Variants in CTNND2 observed in about 807,000 individuals in gnomAD.
CTNND2 encodes the protein catenin delta-2.
In CTNND2, 22 loss-of-function variants were observed where a neutral mutation model predicts 144.4. That is an observed-to-expected ratio of 0.15 (90% CI 0.11 to 0.22). CTNND2 has a LOEUF of 0.22. Ranked by LOEUF, CTNND2 falls within the 10% of genes least tolerant of loss-of-function variation. The pLI, the probability that CTNND2 is intolerant of heterozygous loss-of-function variation, is 1.00. For missense variants in CTNND2, 1,353 were observed against 1,618.8 expected, an observed-to-expected ratio of 0.84 and a Z score of 2.82; for synonymous variants, 751 against 695.6, an observed-to-expected ratio of 1.08 and a Z score of -1.25.
chr5:11,810,594 A>G (rs1247390851), intron 1 of CTNND2, among the ~76,000 whole-genome samples: 1 of 152,222 alleles, frequency 6.6e-6, no homozygotes, highest in Non-Finnish European at 1.5e-5. Flanking sequence ...ATTTGCAATT[A>G]TATCAATTGT....
chr5:11,549,578 C>T (rs1440171712), intron 3 of CTNND2, among the ~76,000 whole-genome samples: 1 of 152,120 alleles, frequency 6.6e-6, no homozygotes, highest in Non-Finnish European at 1.5e-5. Flanking sequence ...TCAAACAATT[C>T]CAGTGTTTGG....
intron 2 of CTNND2, among the ~76,000 whole-genome samples, chr5:11,695,941 T>G (rs1296181337): frequency 6.6e-6 from 1 of 152,232 alleles, no homozygotes; most frequent in Non-Finnish European, 1.5e-5. Flanking sequence ...AAACAGTAGT[T>G]CACACTGCCT....
At chr5:11,127,689 T>C (rs1264128677) in intron 12 of CTNND2, among the ~76,000 whole-genome samples, 2 of 152,166 alleles carry the variant, frequency 1.3e-5, no homozygotes, top group African/African-American at 4.8e-5. Flanking sequence ...TGTCGTCCCA[T>C]CACTGCATGT....
intron 2 of CTNND2, among the ~76,000 whole-genome samples, chr5:11,662,670 C>T (rs992574570): frequency 6.6e-6 from 1 of 152,128 alleles, no homozygotes; most frequent in East Asian, 1.9e-4. Context: ...TTCGATCCAA[C>T]CAAGTTGACA....
At chr5:11,062,368 C>T (rs191437559) in intron 16 of CTNND2, among the ~76,000 whole-genome samples, 2 of 152,308 alleles carry the variant, frequency 1.3e-5, no homozygotes, top group Admixed American at 6.5e-5. Flanking sequence ...AATAATGATA[C>T]TCTATATGAA....
At chr5:11,232,725 T>C (rs1316381025) in intron 10 of CTNND2, among the ~76,000 whole-genome samples, 1 of 152,208 alleles carries the variant, frequency 6.6e-6, no homozygotes, top group African/African-American at 2.4e-5. Flanking sequence ...AGTTAAGACT[T>C]TGGGGATTGT....
chr5:11,398,427 T>TC (rs1245155740), intron 5 of CTNND2, among the ~76,000 whole-genome samples: 2 of 152,324 alleles, frequency 1.3e-5, no homozygotes, highest in Admixed American at 1.3e-4. Flanking sequence ...CTTAAAGCCT[T>TC]CCCAATCCCT....
At chr5:11,357,427 C>T (rs1030802870) in intron 8 of CTNND2, among the ~76,000 whole-genome samples, 1 of 151,926 alleles carries the variant, frequency 6.6e-6, no homozygotes, top group Non-Finnish European at 1.5e-5. Flanking sequence ...CTAATCCAGG[C>T]ACAGAAAGAC....
At chr5:11,425,380 T>A (rs773907123) in intron 3 of CTNND2, among the ~76,000 whole-genome samples, 19 of 152,192 alleles carry the variant, frequency 1.2e-4, no homozygotes, top group Non-Finnish European at 2.1e-4. Flanking sequence ...CCATATTTAT[T>A]GTCATGAAAA....
chr5:11,777,810 AAATAACC>A (rs562882927), intron 1 of CTNND2, among the ~76,000 whole-genome samples: 2 of 152,152 alleles, frequency 1.3e-5, no homozygotes, highest in Admixed American at 6.5e-5. Context: ...CTGGCTCTCT[AAATAACC>A]TTAGGTCCCT....
intron 9 of CTNND2, among the ~76,000 whole-genome samples, chr5:11,260,787 G>GA (rs569992877): frequency 1.3e-5 from 2 of 152,066 alleles, no homozygotes; most frequent in Non-Finnish European, 2.9e-5. Context: ...TCAACAATTT[G>GA]AAAAAAATTC....
At chr5:11,352,639 T>C (rs1262201250) in intron 8 of CTNND2, among the ~76,000 whole-genome samples, 1 of 152,216 alleles carries the variant, frequency 6.6e-6, no homozygotes, top group Middle Eastern at 3.2e-3. Flanking sequence ...TGGTGGTGAC[T>C]ATACTTATCT....
chr5:11,140,753 G>A (rs965201973), intron 12 of CTNND2, among the ~76,000 whole-genome samples: 1 of 152,112 alleles, frequency 6.6e-6, no homozygotes, highest in Non-Finnish European at 1.5e-5. Flanking sequence ...ATGTATAGGA[G>A]AAGCCATCTG....
intron 12 of CTNND2, among the ~76,000 whole-genome samples, chr5:11,145,035 C>T (rs1382888813): frequency 6.6e-6 from 1 of 151,992 alleles, no homozygotes; most frequent in Non-Finnish European, 1.5e-5. Flanking sequence ...ACTGCAGGGC[C>T]AGGAATGGGT....
At chr5:11,176,309 CA>C (rs1369530137) in intron 11 of CTNND2, among the ~76,000 whole-genome samples, 1 of 151,426 alleles carries the variant, frequency 6.6e-6, no homozygotes, top group Non-Finnish European at 1.5e-5. Context: ...TTCCCACTGA[CA>C]TGATTCCCCC....
At position 11,082,804 on chromosome 5, in the gene CTNND2, G is replaced by A. The variant is rs777001878; in HGVS notation, c.2680C>T (p.Leu894=). 1.2e-6 allele frequency: 2 copies of A among 1,614,152 alleles called. No homozygotes were observed. The highest frequency in any genetic ancestry group is 1.1e-5 in the South Asian group (1 of 91,078). The stretch of plus-strand genomic sequence containing the variant: ...CGGAGCAGCTCCACGAGGATGGGCA[G>A]GCCTTTCTCTTTTCGGACAGCGGCT... ...IRAAVRKEKG[L]PILVELLRID... is the part of the protein sequence containing the mutation. Residue 894 remains leucine, a synonymous_variant, in exon 16 of 22, where the codon CTG becomes TTG. Transcript: ENST00000304623.
chr5:11,370,325 A>T, intron 7 of CTNND2, among the ~76,000 whole-genome samples: 1 of 152,176 alleles, frequency 6.6e-6, no homozygotes, highest in South Asian at 2.1e-4. Context: ...AGGTCAGCCA[A>T]GTGGGATGCA....
At chr5:11,106,790 C>G (rs1752468063) in intron 14 of CTNND2, among the ~76,000 whole-genome samples, 1 of 152,158 alleles carries the variant, frequency 6.6e-6, no homozygotes, top group Non-Finnish European at 1.5e-5. Flanking sequence ...CTACAATCCC[C>G]AGCCTCCCTC....
chr5:11,571,942 G>C (rs1413219494), intron 2 of CTNND2, among the ~76,000 whole-genome samples: 1 of 152,120 alleles, frequency 6.6e-6, no homozygotes, highest in Admixed American at 6.5e-5. Flanking sequence ...CCTAAAAATT[G>C]ATGGCCTCTC....
Sources: allele counts gnomAD v4.1 joint callset (sites outside exome capture counted in the v4.1 genomes callset), GRCh38; gene constraint gnomAD v4.1.1; transcripts MANE v1.5; gene names NCBI Gene and HGNC (gene_info 2026-07-23, HGNC 2026-07-21).